Variants in WDR41 observed in about 807,000 individuals in gnomAD.
WDR41 encodes the protein WD repeat-containing protein 41.
A neutral mutation model predicts 69.3 loss-of-function variants in WDR41; 63 were observed. The observed-to-expected ratio is 0.91, with a 90% confidence interval of 0.74 to 1.12. The LOEUF (loss-of-function observed/expected upper bound fraction) is 1.12. WDR41 is among the 50% of genes most tolerant of loss of function. WDR41 has a pLI of 0.00. For synonymous variants in WDR41, 185 were observed against 192.1 expected, an observed-to-expected ratio of 0.96 and a Z score of 0.31; for missense variants, 543 against 534.5, an observed-to-expected ratio of 1.02 and a Z score of -0.16.
At chr5:77,612,233 T>C (rs1182917732) in intron 1 of WDR41, among the ~76,000 whole-genome samples, 5 of 152,204 alleles carry the variant, frequency 3.3e-5, no homozygotes, top group African/African-American at 1.2e-4. Context: ...ACTGGTACCA[T>C]TCCTTCTGAA....
chr5:77,472,683 G>C (rs1030820949), intron 2 of WDR41, among the ~76,000 whole-genome samples: 3 of 151,864 alleles, frequency 2.0e-5, no homozygotes, highest in Admixed American at 6.6e-5. Context: ...GCTTCAAAGA[G>C]AATAAAATAC....
chr5:77,590,863 G>T (rs1744124912), intron 1 of WDR41, among the ~76,000 whole-genome samples: 1 of 152,130 alleles, frequency 6.6e-6, no homozygotes, highest in Admixed American at 6.5e-5. Flanking sequence ...TTGTTAGAAA[G>T]GTTATGCTGG....
chr5:77,587,436 A>G (rs1744060697), intron 1 of WDR41, among the ~76,000 whole-genome samples: 1 of 152,164 alleles, frequency 6.6e-6, no homozygotes, highest in Non-Finnish European at 1.5e-5. Context: ...AATTTTCAGA[A>G]GTTTTGTACG....
intron 1 of WDR41, among the ~76,000 whole-genome samples, chr5:77,554,774 GT>G (rs60611279): frequency 0.13 from 20,062 of 151,878 alleles, 3,042 homozygotes; most frequent in African/African-American, 0.35. Context: ...TGCTGGAACT[GT>G]TTAGTATCTT....
chr5:77,550,893 C>T lies in WDR41; in HGVS notation c.43-61321G>A, dbSNP rs966386508. Among the ~76,000 whole-genome samples the T allele has an allele frequency of 7.9e-5, 12 of 152,248 alleles. 1 individual carries two copies. In the South Asian group the frequency reaches 2.3e-3, roughly 29 times the overall value. ...TATAGTACATGTATACCATGGAATA[C>T]TATGCAGCCATATAAAGGAATAAAG... On this transcript the variant is annotated intron_variant, in intron 1 of 5. Coordinates refer to the WDR41 transcript ENST00000509971.
intron 1 of WDR41, among the ~76,000 whole-genome samples, chr5:77,576,751 G>A (rs1457412107): frequency 6.6e-6 from 1 of 151,876 alleles, no homozygotes; most frequent in Non-Finnish European, 1.5e-5. Flanking sequence ...ACTAAACATG[G>A]CAAATCTGCA....
intron 6 of WDR41, 96 bp from the exon 7 acceptor site, chr5:77,451,449 A>C (rs1416507297): frequency 6.3e-6 from 7 of 1,115,618 alleles, no homozygotes; most frequent in Middle Eastern, 2.9e-4. Flanking sequence ...GTTTTCCATA[A>C]AGAAGATAAA....
rs1798754572 is a variant in WDR41 at position 77,432,340 on chromosome 5, T to TAAAAG, written c.*790_*794dup. On this transcript the variant is annotated 3_prime_UTR_variant, in exon 13 of 13. Coordinates refer to ENST00000296679, the MANE Select transcript of WDR41 (RefSeq NM_018268.4). Reference sequence around the variant, plus strand: ...TCAATGGACACTGCAAAGAACTACATAAAAGAAGTCTGTCTCAAGCAGTTC... The same window carrying TAAAAG: ...TCAATGGACACTGCAAAGAACTACATAAAAGAAAAGAAGTCTGTCTCAAGCAGTTC... The TAAAAG allele has an allele frequency of 6.6e-6, 1 of 152,374 alleles. No individual in the cohort carries two copies. Among genetic ancestry groups the TAAAAG allele is most frequent in the African/African-American group, 2.4e-5 (1 of 41,444 alleles). 9.4% of individuals were successfully genotyped at this position (152,374 alleles called of 1,614,324 possible).
At position 77,582,713 on chromosome 5, in the gene WDR41, G is replaced by A. The variant is rs540610367; in HGVS notation, c.42+37766C>T. 3.2e-4 allele frequency: 506 copies of A among 1,592,354 alleles called. 1 individual carries two copies. In the African/African-American group the frequency reaches 5.9e-3, roughly 19 times the overall value. On this transcript the variant is annotated intron_variant, in intron 1 of 5. Transcript: ENST00000509971. ...GTCCGAAAGGTGTTGCAGCTTCTTC[G>A]CCTTCGTCAAATCTTCAATGGAACC... is the stretch of plus-strand genomic sequence containing the variant.
chr5:77,444,087 CCAGGCTGGTCTCAAACTCCTGACCT>C (rs1799282436), intron 8 of WDR41, among the ~76,000 whole-genome samples: 1 of 151,986 alleles, frequency 6.6e-6, no homozygotes, highest in Admixed American at 6.6e-5. Context: ...GCCATGTTGG[CCAGGCTGGTCTCAAACTCCTGACCT>C]CAGGTGATCC....
At chr5:77,475,111 G>A (rs944596244) in intron 2 of WDR41, among the ~76,000 whole-genome samples, 1 of 152,192 alleles carries the variant, frequency 6.6e-6, no homozygotes, top group Admixed American at 6.5e-5. Flanking sequence ...TTTCCGACGG[G>A]CTTAAAAAAC....
chr5:77,554,454 A>G (rs1361193296), intron 1 of WDR41, among the ~76,000 whole-genome samples: 1 of 152,124 alleles, frequency 6.6e-6, no homozygotes, highest in Non-Finnish European at 1.5e-5. Flanking sequence ...AAGAGATCCC[A>G]GAGAGCTAGC....
intron 1 of WDR41, among the ~76,000 whole-genome samples, chr5:77,566,646 G>A (rs563470497): frequency 2.0e-4 from 31 of 152,218 alleles, no homozygotes; most frequent in African/African-American, 7.2e-4. Flanking sequence ...ACATATGCAC[G>A]CTTGTGTGGT....
intron 1 of WDR41, among the ~76,000 whole-genome samples, chr5:77,530,518 A>T (rs1351906950): frequency 1.3e-5 from 2 of 151,896 alleles, no homozygotes; most frequent in East Asian, 3.9e-4. Flanking sequence ...ACAAAAAAGA[A>T]TATACTGAAC....
chr5:77,492,199 C>A lies in WDR41; in HGVS notation c.22G>T (p.Gly8Ter). The change falls in exon 1 of 13, where the codon GGA becomes TGA. Residue 8 changes from glycine to a stop codon, truncating the protein, a stop_gained. Transcript: ENST00000296679. LOFTEE classifies it high-confidence loss of function. MLRWLIGGGREPQGLAEK... is the reference protein window; with the variant it reads MLRWLIG ...GCCAGTCCCTGCGGTTCTCGGCCTC[C>A]CCCGATCAGCCATCGCAACATCCGG... 6.2e-7 allele frequency: 1 copy of A among 1,612,610 alleles called. No homozygotes were observed. Among genetic ancestry groups the A allele is most frequent in the East Asian group, 2.2e-5 (1 of 44,822 alleles).
At chr5:77,575,981 A>T (rs1015364900) in intron 1 of WDR41, among the ~76,000 whole-genome samples, 7 of 152,200 alleles carry the variant, frequency 4.6e-5, no homozygotes, top group Non-Finnish European at 7.3e-5. Flanking sequence ...ACAGGCAGTC[A>T]GTCGGTCATA....
intron 12 of WDR41, 102 bp from the exon 13 acceptor site, chr5:77,433,389 C>A: frequency 1.0e-6 from 1 of 1,001,280 alleles, no homozygotes; most frequent in South Asian, 2.3e-5. Flanking sequence ...CTTAAAGACT[C>A]CTTTGGATCT....
intron 2 of WDR41, among the ~76,000 whole-genome samples, chr5:77,476,628 G>T (rs1348619333): frequency 6.6e-6 from 1 of 151,848 alleles, no homozygotes; most frequent in Non-Finnish European, 1.5e-5. Context: ...AATGCTGAGA[G>T]ATTCTGTCAC....
chr5:77,437,471 G>T, intron 10 of WDR41, 47 bp from the exon 11 acceptor site: 6 of 1,500,972 alleles, frequency 4.0e-6, no homozygotes, highest in African/African-American at 1.4e-5. Flanking sequence ...CACCACTGAG[G>T]GCCAATGCTA....
Sources: allele counts gnomAD v4.1 joint callset (sites outside exome capture counted in the v4.1 genomes callset), GRCh38; gene constraint gnomAD v4.1.1; transcripts MANE v1.5; gene names NCBI Gene and HGNC (gene_info 2026-07-23, HGNC 2026-07-21).